The following ZNF33B variants were observed in gnomAD, a reference collection of about 807,000 sequenced individuals.
ZNF33B encodes the protein zinc finger protein 11b (KOX 2).
In ZNF33B, 29 loss-of-function variants were observed where a neutral mutation model predicts 45.8. The ratio of observed to expected loss-of-function variants is 0.63; its 90% CI spans 0.47 to 0.86. ZNF33B has a LOEUF of 0.86. Among genes scored for constraint, ZNF33B ranks in the 40% least tolerant of loss-of-function variants. The pLI, the probability that ZNF33B is intolerant of heterozygous loss-of-function variation, is 0.00. For synonymous variants in ZNF33B, 305 were observed against 307.8 expected (o/e 0.99, Z 0.10); for missense variants, 831 against 909.9 (o/e 0.91, Z 1.12).
chr10:42,602,571 T>C (rs1589036346), intron 4 of ZNF33B, among the ~76,000 whole-genome samples: 2 of 152,226 alleles, frequency 1.3e-5, no homozygotes, highest in East Asian at 3.9e-4. Context: ...ATAAGTATTT[T>C]TGTGCTTTGT....
chr10:42,579,634 G>A (rs1836797114), intron 1 of ZNF33B: 1 of 152,440 alleles, frequency 6.6e-6, no homozygotes, highest in Non-Finnish European at 1.5e-5. Flanking sequence ...TCAATAGAAG[G>A]TCTGTATCTG....
At chr10:42,637,869 T>C (rs1839394950) in intron 1 of ZNF33B, among the ~76,000 whole-genome samples, 1 of 152,138 alleles carries the variant, frequency 6.6e-6, no homozygotes, top group African/African-American at 2.4e-5. Context: ...GTCAGGCTGG[T>C]CTCGAATTCC....
chr10:42,633,619 A>G (rs1839152834), intron 2 of ZNF33B, among the ~76,000 whole-genome samples: 1 of 152,214 alleles, frequency 6.6e-6, no homozygotes, highest in Admixed American at 6.5e-5. Context: ...CAGGAAAGTT[A>G]GGGCAAAATA....
intron 4 of ZNF33B, among the ~76,000 whole-genome samples, chr10:42,609,047 A>C (rs1049490095): frequency 1.3e-5 from 2 of 152,158 alleles, no homozygotes; most frequent in African/African-American, 4.8e-5. Context: ...AAAACGACTA[A>C]AACCAACTCA....
intron 4 of ZNF33B, among the ~76,000 whole-genome samples, chr10:42,626,848 T>C (rs889041958): frequency 1.3e-5 from 2 of 152,084 alleles, no homozygotes; most frequent in African/African-American, 4.8e-5. Context: ...AAATTGGTTT[T>C]TTGGAGGTTT....
At chr10:42,614,670 A>C (rs958189657) in intron 4 of ZNF33B, among the ~76,000 whole-genome samples, 1 of 152,122 alleles carries the variant, frequency 6.6e-6, no homozygotes, top group Non-Finnish European at 1.5e-5. Flanking sequence ...GATGTTCAAC[A>C]TCAGTCCGGG....
At chr10:42,602,940 A>C (rs1215070581) in intron 4 of ZNF33B, among the ~76,000 whole-genome samples, 1 of 152,174 alleles carries the variant, frequency 6.6e-6, no homozygotes, top group African/African-American at 2.4e-5. Context: ...TATCTCCTGC[A>C]AGCCACCAGT....
rs540744521 is a variant in ZNF33B, at chr10:42,592,756, G to A, written c.2194C>T (p.Arg732Cys). The A allele has an allele frequency of 2.5e-5, 40 of 1,613,946 alleles. No individual in the cohort carries two copies. The highest frequency in any genetic ancestry group is 1.3e-4 in the Admixed American group (8 of 60,010). The change falls in exon 5 of 5, where the codon CGT (arginine) becomes TGT (cysteine). Residue 732 changes from arginine (R) to cysteine (C), a missense_variant. Transcript: ENST00000359467. ...QCNECGKIFY[R>C]KSDLAKHQRS... ...TGATGTTTAGCAAGGTCTGATTTACGGTAAAAGATTTTTCCACATTCATTA... is the reference window on the plus strand; with the variant it reads ...TGATGTTTAGCAAGGTCTGATTTACAGTAAAAGATTTTTCCACATTCATTA...
Position 42,583,076 on chromosome 10 carries a change from A to C in ZNF33B, c.74-8398T>G, listed in dbSNP as rs752107295. On this transcript the variant is annotated intron_variant, in intron 1 of 1. Coordinates refer to the ZNF33B transcript ENST00000462075. ...CAGAGTCCTCTTCTTCCAGCACTGC[A>C]AGGGTTTAATCCAAGGTCCAGGATC... 3.6e-6 allele frequency: 3 copies of C among 821,966 alleles called. No individual in the cohort carries two copies. In the South Asian group the frequency reaches 4.0e-5, roughly 11 times the overall value. The allele number at this position is 821,966 out of a possible 1,614,324, so 50.9% of individuals were successfully genotyped here.
chr10:42,636,138 A>G (rs935827595), intron 2 of ZNF33B, among the ~76,000 whole-genome samples: 11 of 152,164 alleles, frequency 7.2e-5, no homozygotes, highest in African/African-American at 2.7e-4. Flanking sequence ...AAAAAAATAA[A>G]AAAATAAAAA....
chr10:42,636,802 T>C, intron 2 of ZNF33B, 118 bp downstream of exon 2: 2 of 1,437,714 alleles, frequency 1.4e-6, no homozygotes, highest in Non-Finnish European at 1.9e-6. Context: ...CGCTCCAGCC[T>C]GGGCGACAGA....
intron 4 of ZNF33B, among the ~76,000 whole-genome samples, chr10:42,620,434 G>C (rs1157560023): frequency 6.6e-6 from 1 of 152,104 alleles, no homozygotes; most frequent in East Asian, 1.9e-4. Context: ...ACAGGGTCTT[G>C]CTCTGTCACC....
intron 4 of ZNF33B, among the ~76,000 whole-genome samples, chr10:42,631,604 A>G (rs1839056654): frequency 6.6e-6 from 1 of 152,238 alleles, no homozygotes; most frequent in Non-Finnish European, 1.5e-5. Context: ...AATAAACACA[A>G]AACAATGGAG....
Position 42,594,328 on chromosome 10 carries a change from G to A in ZNF33B, c.622C>T (p.Gln208Ter). ...TCTAAAGTTTGAATCTTCTCATGCT[G>A]CAAAGTGTTCTCACGATGACTCAGA... ...NTLSHRENTLQHEKIQTLDHN... is the reference protein window; with the variant it reads ...NTLSHRENTL Residue 208 changes from glutamine to a stop codon, truncating the protein, a stop_gained, in exon 5 of 5, where the codon CAG becomes TAG. Coordinates refer to ENST00000359467, the MANE Select transcript of ZNF33B (RefSeq NM_006955.3). LOFTEE classifies it low-confidence loss of function (END_TRUNC). 1.2e-6 allele frequency: 2 copies of A among 1,613,862 alleles called. No homozygotes were observed. The highest frequency in any genetic ancestry group is 1.7e-6 in the Non-Finnish European group (2 of 1,179,892).
chr10:42,620,158 G>A (rs1326292705), intron 4 of ZNF33B, among the ~76,000 whole-genome samples: 3 of 149,628 alleles, frequency 2.0e-5, no homozygotes, highest in African/African-American at 7.4e-5. Flanking sequence ...GGAGGTTGCA[G>A]TGAACCAAGA....
chr10:42,609,693 G>C (rs574610076), intron 4 of ZNF33B, among the ~76,000 whole-genome samples: 41 of 152,094 alleles, frequency 2.7e-4, no homozygotes, highest in African/African-American at 9.4e-4. Flanking sequence ...TCATCTAGTA[G>C]TATATAAAAA....
chr10:42,626,448 G>A (rs532557398), intron 4 of ZNF33B, among the ~76,000 whole-genome samples: 83 of 152,152 alleles, frequency 5.5e-4, no homozygotes, highest in African/African-American at 1.2e-3. Flanking sequence ...CCAGCACTTC[G>A]GGAGGCTGAG....
chr10:42,634,396 C>A (rs1589077348), intron 2 of ZNF33B, among the ~76,000 whole-genome samples: 1 of 150,206 alleles, frequency 6.7e-6, no homozygotes. Context: ...AACTCTGTCT[C>A]AAAAAAAAAG....
intron 4 of ZNF33B, among the ~76,000 whole-genome samples, chr10:42,627,397 A>C (rs11239709): frequency 0.11 from 17,205 of 152,258 alleles, 1,182 homozygotes; most frequent in African/African-American, 0.19. Flanking sequence ...GTTTCATTCC[A>C]GATATTGATG....
Sources: allele counts gnomAD v4.1 joint callset (sites outside exome capture counted in the v4.1 genomes callset), GRCh38; gene constraint gnomAD v4.1.1; transcripts MANE v1.5; gene names NCBI Gene and HGNC (gene_info 2026-07-23, HGNC 2026-07-21).